CLEC6A: variants seen among roughly 807,000 people sequenced by gnomAD.
CLEC6A encodes the protein C-type lectin domain family 6 member A.
A neutral mutation model predicts 25.7 loss-of-function variants in CLEC6A; 22 were observed. That is an observed-to-expected ratio of 0.85 (90% CI 0.61 to 1.22). The LOEUF is 1.22. Among genes scored for constraint, CLEC6A ranks in the 50% most tolerant of loss-of-function variants. CLEC6A has a pLI of 0.00. For synonymous variants in CLEC6A, 92 were observed against 76.7 expected, an observed-to-expected ratio of 1.20 and a Z score of -1.04; for missense variants, 240 against 236.8, an observed-to-expected ratio of 1.01 and a Z score of -0.09.
chr12:8,469,435 C>A (rs1310400775), intron 4 of CLEC6A, among the ~76,000 whole-genome samples: 2 of 151,128 alleles, frequency 1.3e-5, no homozygotes, highest in African/African-American at 2.4e-5. Flanking sequence ...AAAAAAAAAA[C>A]CCTAAAATTC....
At chr12:8,462,859 G>T (rs781071710) in intron 3 of CLEC6A, among the ~76,000 whole-genome samples, 3 of 152,058 alleles carry the variant, frequency 2.0e-5, no homozygotes, top group African/African-American at 7.2e-5. Flanking sequence ...TCCACCTAAC[G>T]AGAAACACCC....
At chr12:8,465,384 A>T (rs1939816236) in intron 3 of CLEC6A, 100 bp from the exon 4 acceptor site, 1 of 1,161,814 alleles carries the variant, frequency 8.6e-7, no homozygotes. Context: ...AACAGTAAAA[A>T]CGTGAATTAA....
chr12:8,466,284 TTGTCAA>T (rs1348423745), intron 4 of CLEC6A, among the ~76,000 whole-genome samples: 1 of 152,256 alleles, frequency 6.6e-6, no homozygotes, highest in African/African-American at 2.4e-5. Flanking sequence ...ATTCATTTAC[TTGTCAA>T]TTGTCACTTA....
intron 4 of CLEC6A, among the ~76,000 whole-genome samples, chr12:8,468,463 T>C (rs1314698681): frequency 6.6e-6 from 1 of 152,238 alleles, no homozygotes; most frequent in Non-Finnish European, 1.5e-5. Context: ...TCCTTTCTTA[T>C]TTGGATAATT....
intron 1 of CLEC6A, among the ~76,000 whole-genome samples, chr12:8,457,561 A>G (rs768215823): frequency 3.2e-4 from 48 of 152,356 alleles, no homozygotes; most frequent in African/African-American, 1.1e-3. Context: ...TCTTGGATAT[A>G]CTGAAGAAAC....
At chr12:8,465,056 C>T (rs1470610578) in intron 3 of CLEC6A, among the ~76,000 whole-genome samples, 1 of 152,094 alleles carries the variant, frequency 6.6e-6, no homozygotes, top group African/African-American at 2.4e-5. Flanking sequence ...TCTAATGAGG[C>T]ACAATTCTAA....
chr12:8,465,539 T>C lies in CLEC6A; in HGVS notation c.279T>C (p.Ile93=), dbSNP rs765757448. 5.0e-6 allele frequency: 8 copies of C among 1,614,072 alleles called. No individual in the cohort carries two copies. The highest frequency in any genetic ancestry group is 3.3e-5 in the Admixed American group (2 of 60,024). ...WKSFGSSCYF[I]SSEEKVWSKS... ...CATTTGGTTCCAGTTGCTACTTCAT[T>C]TCCAGTGAAGAGAAGGTTTGGTCTA... The change falls in exon 4 of 6, where the codon ATT becomes ATC. Residue 93 remains isoleucine (I), a synonymous_variant. Coordinates refer to ENST00000382073, the MANE Select transcript of CLEC6A (RefSeq NM_001007033.2).
Position 8,465,541 on chromosome 12 carries a change from C to T in CLEC6A, c.281C>T (p.Ser94Phe), listed in dbSNP as rs1349488194. 7 of 1,613,526 alleles carry T rather than the reference C, an allele frequency of 4.3e-6. No individual in the cohort carries two copies. The African/African-American group carries it at 9.4e-5, about 22-fold the overall frequency. ...KSFGSSCYFISSEEKVWSKSE... is the reference protein window; with the variant it reads ...KSFGSSCYFIFSEEKVWSKSE... ...TTTGGTTCCAGTTGCTACTTCATTT[C>T]CAGTGAAGAGAAGGTTTGGTCTAAG... The change falls in exon 4 of 6, where the codon TCC becomes TTC. Residue 94 changes from serine to phenylalanine, a missense_variant. Coordinates refer to ENST00000382073, the MANE Select transcript of CLEC6A (RefSeq NM_001007033.2).
chr12:8,469,105 T>A (rs1400566595), intron 4 of CLEC6A, among the ~76,000 whole-genome samples: 1 of 152,144 alleles, frequency 6.6e-6, no homozygotes, highest in African/African-American at 2.4e-5. Flanking sequence ...GATACAAAAT[T>A]AATGTACACA....
Position 8,465,465 on chromosome 12 carries a change from T to A in CLEC6A, c.224-19T>A. On this transcript the variant is annotated intron_variant, in intron 3 of 5. Coordinates refer to ENST00000382073, the MANE Select transcript of CLEC6A (RefSeq NM_001007033.2). Reference sequence around the variant, plus strand: ...CTTATCTTGCACTCACTCTTTTTTTTCATGTAACACAAAAATAGCCTGGGG... The same window carrying A: ...CTTATCTTGCACTCACTCTTTTTTTACATGTAACACAAAAATAGCCTGGGG... 2 of 1,613,558 alleles carry A rather than the reference T, an allele frequency of 1.2e-6. No individual in the cohort carries two copies. The highest frequency in any genetic ancestry group is 1.7e-6 in the Non-Finnish European group (2 of 1,179,654).
At chr12:8,471,975 T>C (rs1334342006) in intron 4 of CLEC6A, among the ~76,000 whole-genome samples, 1 of 152,192 alleles carries the variant, frequency 6.6e-6, no homozygotes, top group African/African-American at 2.4e-5. Context: ...TTTGACAGTT[T>C]GATTAAGACA....
At chr12:8,470,195 A>G (rs1027060318) in intron 4 of CLEC6A, among the ~76,000 whole-genome samples, 16 of 152,156 alleles carry the variant, frequency 1.1e-4, no homozygotes, top group African/African-American at 3.6e-4. Flanking sequence ...GCTCAACATC[A>G]CTAATGATCA....
At chr12:8,468,481 C>G (rs1939865850) in intron 4 of CLEC6A, among the ~76,000 whole-genome samples, 1 of 152,082 alleles carries the variant, frequency 6.6e-6, no homozygotes, top group African/African-American at 2.4e-5. Flanking sequence ...ATTTTTTTCT[C>G]TTCCTTGCCA....
intron 5 of CLEC6A, 135 bp downstream of exon 5, chr12:8,476,375 T>C (rs1403488161): frequency 3.3e-6 from 2 of 600,588 alleles, no homozygotes; most frequent in African/African-American, 3.9e-5. Context: ...ATATGCATTA[T>C]CTCACTTAAA....
chr12:8,464,609 G>A (rs371953454), intron 3 of CLEC6A, among the ~76,000 whole-genome samples: 2 of 152,170 alleles, frequency 1.3e-5, no homozygotes, highest in Non-Finnish European at 2.9e-5. Context: ...TGGGATTACA[G>A]GCATGAGCCA....
At chr12:8,466,646 G>T (rs1939833892) in intron 4 of CLEC6A, among the ~76,000 whole-genome samples, 2 of 138,530 alleles carry the variant, frequency 1.4e-5, no homozygotes, top group Non-Finnish European at 3.1e-5. Context: ...TAGTGATGTT[G>T]AGCAAGTGTT....
chr12:8,462,808 A>G (rs1309688874), intron 3 of CLEC6A, among the ~76,000 whole-genome samples: 1 of 151,882 alleles, frequency 6.6e-6, no homozygotes, highest in East Asian at 1.9e-4. Context: ...TTCTTTCTCT[A>G]TACTTTGTCT....
intron 4 of CLEC6A, among the ~76,000 whole-genome samples, chr12:8,467,775 C>G (rs1385569884): frequency 2.0e-5 from 3 of 152,152 alleles, no homozygotes; most frequent in Admixed American, 6.5e-5. Context: ...TGCATTTTAA[C>G]TATATTAAGC....
At chr12:8,461,190 T>A in intron 3 of CLEC6A, 1 of 1,078,228 alleles carries the variant, frequency 9.3e-7, no homozygotes, top group Admixed American at 1.8e-5. Flanking sequence ...ATCTGGCAGA[T>A]TGGAGAATGT....
Sources: allele counts gnomAD v4.1 joint callset (sites outside exome capture counted in the v4.1 genomes callset), GRCh38; gene constraint gnomAD v4.1.1; transcripts MANE v1.5; gene names NCBI Gene and HGNC (gene_info 2026-07-23, HGNC 2026-07-21).